The following ZSWIM8 variants were observed in gnomAD, a reference collection of about 807,000 sequenced individuals.
ZSWIM8 encodes zinc finger SWIM domain-containing protein 8.
Under a neutral mutation model 173.7 loss-of-function variants are expected in ZSWIM8, and 27 were observed. The ratio of observed to expected loss-of-function variants is 0.16; its 90% confidence interval spans 0.11 to 0.21. ZSWIM8 has a LOEUF of 0.21. Ranked by LOEUF, ZSWIM8 falls within the 10% of genes least tolerant of loss-of-function variation. The pLI is 1.00. For synonymous variants in ZSWIM8, 958 were observed against 962.0 expected (o/e 1.00, Z 0.08); for missense variants, 1,627 against 2,428.8 (o/e 0.67, Z 6.94).
rs747757512 is a variant in ZSWIM8, at chr10:73,793,646, G to T, written c.2372G>T (p.Arg791Leu). ...HAHGYSSEASRLTVELAQDLL... is the reference protein window; with the variant it reads ...HAHGYSSEASLLTVELAQDLL... ...CATGGCTATAGCAGTGAGGCCTCCC[G>T]TCTCACTGTGGAGCTTGCCCAGGAT... Residue 791 changes from arginine (R) to leucine (L), a missense_variant, in exon 11 of 26, where the codon CGT (arginine) becomes CTT (leucine). Arg to Leu is a moderately radical substitution (Grantham distance 102). This residue lies in a region of ZSWIM8 where 383 missense variants were observed against 394.8 expected (regional missense o/e 0.97). Transcript: ENST00000604729. 6.2e-7 allele frequency: 1 copy of T among 1,613,598 alleles called. No individual in the cohort carries two copies.
Position 73,792,275 on chromosome 10 carries a change from G to T in ZSWIM8, c.1736G>T (p.Gly579Val). ...GGAGATAAAGCTCTACATAAGATGGGTCCAGGTGGGGGCAAAGCCAAGGCA... is the reference window on the plus strand; with the variant it reads ...GGAGATAAAGCTCTACATAAGATGGTTCCAGGTGGGGGCAAAGCCAAGGCA... Reference protein sequence around the residue: ...EGGDKALHKMGPGGGKAKALG... With the variant: ...EGGDKALHKMVPGGGKAKALG... Residue 579 changes from glycine (G) to valine (V), a missense_variant, in exon 10 of 26, where the codon GGT becomes GTT. By Grantham distance (109) the Gly-to-Val change is moderately radical. Coordinates refer to ENST00000604729, the MANE Select transcript of ZSWIM8 (RefSeq NM_001367799.1). The surrounding 1 kb of genome is among the most constrained non-coding windows in gnomAD (Gnocchi z 4.3). 3.7e-6 allele frequency: 6 copies of T among 1,605,888 alleles called. No individual in the cohort carries two copies. The highest frequency in any genetic ancestry group is 5.1e-6 in the Non-Finnish European group (6 of 1,175,730).
rs373917890 is a variant in ZSWIM8 at position 73,797,768 on chromosome 10, A to T, written c.3663-13A>T. On this transcript the variant is annotated splice_polypyrimidine_tract_variant and intron_variant, in intron 18 of 25. Transcript: ENST00000604729. This position sits in a 1 kb window ranked among gnomAD's most constrained non-coding sequence, Gnocchi z 5.6. ...AAACCCCAACCCCCGTCCCTACCCC[A>T]TTGCCCCTTCAGGTACAAGGGCCGC... is the stretch of plus-strand genomic sequence containing the variant. The T allele has an allele frequency of 1.9e-4, 310 of 1,605,922 alleles. No individual in the cohort carries two copies. Among genetic ancestry groups the T allele is most frequent in the Non-Finnish European group, 2.5e-4 (289 of 1,174,988 alleles).
In ZSWIM8 at chr10:73,792,810, G is replaced by A. The variant is rs1385445533; in HGVS notation, c.2271G>A (p.Leu757=). The change falls in exon 10 of 26, where the codon CTG becomes CTA. Residue 757 remains leucine (L), a synonymous_variant. Coordinates refer to ENST00000604729, the MANE Select transcript of ZSWIM8 (RefSeq NM_001367799.1). The surrounding 1 kb of genome is among the most constrained non-coding windows in gnomAD (Gnocchi z 4.3). ...AEGGAGEEHD[L]FAGLKPLEQE... ...GCGGGGCTGGGGAGGAGCACGACCT[G>A]TTTGCTGGGCTGAAGCCACTGGAAC... The A allele has an allele frequency of 4.4e-6, 7 of 1,596,242 alleles. No homozygotes were observed. Among genetic ancestry groups the A allele is most frequent in the Non-Finnish European group, 6.0e-6 (7 of 1,175,332 alleles).
At chr10:73,789,000 G>A in intron 2 of ZSWIM8, 96 bp from the exon 3 acceptor site, 2 of 1,346,006 alleles carry the variant, frequency 1.5e-6, no homozygotes, top group Non-Finnish European at 2.1e-6. Flanking sequence ...GAAGGAATGA[G>A]GCTAGGGAGA....
In ZSWIM8 at chr10:73,793,895, C is replaced by T; in HGVS notation, c.2476C>T (p.Gln826Ter). 1 of 1,612,508 alleles carries T rather than the reference C, an allele frequency of 6.2e-7. No homozygotes were observed. The highest frequency in any genetic ancestry group is 8.5e-7 in the Non-Finnish European group (1 of 1,179,392). The change falls in exon 12 of 26, where the codon CAG becomes TAG. Residue 826 changes from glutamine (Q) to a stop codon, truncating the protein, a stop_gained. Coordinates refer to ENST00000604729, the MANE Select transcript of ZSWIM8 (RefSeq NM_001367799.1). LOFTEE classifies it high-confidence loss of function. ...GKKNKVSTSRQTWVATNTLSK... is the reference protein window; with the variant it reads ...GKKNKVSTSR ...GAAGAACAAGGTATCCACGAGCCGT[C>T]AGACCTGGGTGGCTACCAACACCCT...
At position 73,789,891 on chromosome 10, in the gene ZSWIM8, A is replaced by G. The variant is rs1303794278; in HGVS notation, c.739-65A>G. On this transcript the variant is annotated intron_variant, in intron 5 of 25. Transcript: ENST00000604729. The surrounding 1 kb of genome is among the most constrained non-coding windows in gnomAD (Gnocchi z 6.8). ...CAGGCCGCATAACAGCCTTCCTGTTAGGCCCAGGCCTCCATGGGTTCACCT... is the reference window on the plus strand; with the variant it reads ...CAGGCCGCATAACAGCCTTCCTGTTGGGCCCAGGCCTCCATGGGTTCACCT... The G allele has an allele frequency of 1.3e-6, 2 of 1,586,318 alleles. No individual in the cohort carries two copies. The highest frequency in any genetic ancestry group is 1.3e-5 in the African/African-American group (1 of 74,164).
intron 1 of ZSWIM8, chr10:73,786,308 C>T (rs971739380): frequency 1.9e-6 from 1 of 531,078 alleles, no homozygotes; most frequent in Non-Finnish European, 3.2e-6. Flanking sequence ...GCTGGCTTCT[C>T]CACACCTGTG....
intron 20 of ZSWIM8, 89 bp from the exon 21 acceptor site, chr10:73,798,913 A>G: frequency 2.0e-6 from 3 of 1,501,280 alleles, no homozygotes; most frequent in Non-Finnish European, 1.8e-6. Context: ...GGAATGAGAC[A>G]GCTCTGAGGG....
chr10:73,786,145 C>G, intron 1 of ZSWIM8, 59 bp downstream of exon 1: 1 of 1,439,952 alleles, frequency 6.9e-7, no homozygotes. Context: ...CGCTCGGGAG[C>G]TGTCCGGGAC....
chr10:73,799,428 C>T lies in ZSWIM8; in HGVS notation c.4603C>T (p.His1535Tyr). ...TCTCACTCACCCAGCTCACCCTGCC[C>T]ACCCCATGCCTCACATGCCCCGGCC... Reference protein sequence around the residue: ...QYLTHPAHPAHPMPHMPRPAV... With the variant: ...QYLTHPAHPAYPMPHMPRPAV... Residue 1535 changes from histidine (H) to tyrosine (Y), a missense_variant, in exon 21 of 26, where the codon CAC becomes TAC. By Grantham distance (83) the His-to-Tyr change is moderately conservative. Around this residue, in one of 18 missense-constraint regions of ZSWIM8, gnomAD observed 275 missense variants for 290.1 expected, o/e 0.95. Transcript: ENST00000604729. The T allele has an allele frequency of 1.2e-6, 2 of 1,608,390 alleles. No homozygotes were observed. Among genetic ancestry groups the T allele is most frequent in the Non-Finnish European group, 1.7e-6 (2 of 1,177,586 alleles).
chr10:73,791,224 C>G lies in ZSWIM8; in HGVS notation c.1143+48C>G, dbSNP rs1269911116. On this transcript the variant is annotated intron_variant, in intron 8 of 25. Transcript: ENST00000604729. The surrounding 1 kb of genome is among the most constrained non-coding windows in gnomAD (Gnocchi z 6.0). ...CCCCGTGGTAGCTCATTCTTTCCCT[C>G]CCCCTGCCTCATCCTCCTCTTGCTG... The G allele has an allele frequency of 1.3e-6, 2 of 1,568,002 alleles. No individual in the cohort carries two copies. Among genetic ancestry groups the G allele is most frequent in the South Asian group, 2.4e-5 (2 of 84,618 alleles).
At chr10:73,788,930 G>A in intron 2 of ZSWIM8, 107 bp downstream of exon 2, 1 of 1,499,754 alleles carries the variant, frequency 6.7e-7, no homozygotes, top group Non-Finnish European at 9.1e-7. Flanking sequence ...AGTGGTAAGA[G>A]GAAGACAAGG....
intron 14 of ZSWIM8, among the ~76,000 whole-genome samples, chr10:73,795,234 A>G (rs573385312): frequency 6.6e-6 from 1 of 152,344 alleles, no homozygotes; most frequent in East Asian, 1.9e-4. Flanking sequence ...TAGGTCCTAA[A>G]CCAGCGAACA....
In ZSWIM8 at chr10:73,801,266, C is replaced by CTGTT; in HGVS notation, c.5302-48_5302-45dup. The CTGTT allele has an allele frequency of 1.3e-5, 21 of 1,605,852 alleles. No homozygotes were observed. Among genetic ancestry groups the CTGTT allele is most frequent in the Non-Finnish European group, 1.8e-5 (21 of 1,174,204 alleles). On this transcript the variant is annotated intron_variant, in intron 25 of 25. Transcript: ENST00000604729. The surrounding 1 kb of genome is among the most constrained non-coding windows in gnomAD (Gnocchi z 4.9). ...GTCTTGGACCAGAGGGAGGCAGGGCCTGTTTCTGTGCTTTGTACTAAGGCT... is the reference window on the plus strand; with the variant it reads ...GTCTTGGACCAGAGGGAGGCAGGGCCTGTTTGTTTCTGTGCTTTGTACTAAGGCT...
In ZSWIM8 at chr10:73,794,000, G is replaced by A; in HGVS notation, c.2581G>A (p.Ala861Thr). ...HNLAFRVGMF[A>T]LELQRPPAST... Reference sequence around the variant, plus strand: ...CCTGGCCTTCCGAGTTGGCATGTTTGCCTTGGAGCTACAGAGGCCTCCAGC... The same window carrying A: ...CCTGGCCTTCCGAGTTGGCATGTTTACCTTGGAGCTACAGAGGCCTCCAGC... Residue 861 changes from alanine to threonine, a missense_variant, in exon 12 of 26, where the codon GCC (alanine) becomes ACC (threonine). By Grantham distance (58) the Ala-to-Thr change is moderately conservative (BLOSUM62 0). This residue lies in a region of ZSWIM8 where 169 missense variants were observed against 235.3 expected (regional missense o/e 0.72). Coordinates refer to ENST00000604729, the MANE Select transcript of ZSWIM8 (RefSeq NM_001367799.1). 6.2e-7 allele frequency: 1 copy of A among 1,613,554 alleles called. No homozygotes were observed. Among genetic ancestry groups the A allele is most frequent in the Non-Finnish European group, 8.5e-7 (1 of 1,179,684 alleles).
chr10:73,796,111 T>G (rs1376350994), intron 15 of ZSWIM8, among the ~76,000 whole-genome samples: 1 of 151,378 alleles, frequency 6.6e-6, no homozygotes, highest in Non-Finnish European at 1.5e-5. Flanking sequence ...GCCTGTAATC[T>G]CAGCACTTTG....
In ZSWIM8 at chr10:73,800,796, C is replaced by CT; in HGVS notation, c.5122+37_5122+38insT. On this transcript the variant is annotated intron_variant, in intron 24 of 25. Coordinates refer to ENST00000604729, the MANE Select transcript of ZSWIM8 (RefSeq NM_001367799.1). The surrounding 1 kb of genome is among the most constrained non-coding windows in gnomAD (Gnocchi z 4.1). ...CCTCCCTAGGACCATTGCCCCCCCC[C>CT]CACCTGCTCTCCCCACCTTCCTTAT... 1 of 1,468,708 alleles carries CT rather than the reference C, an allele frequency of 6.8e-7. No individual in the cohort carries two copies. Among genetic ancestry groups the CT allele is most frequent in the Non-Finnish European group, 9.3e-7 (1 of 1,076,352 alleles). The allele number at this position is 1,468,708 out of a possible 1,614,324, so 91.0% of individuals were successfully genotyped here. A position where few individuals can be genotyped will look rare whatever the true frequency, so the allele number is the denominator to read the frequency against.
intron 15 of ZSWIM8, among the ~76,000 whole-genome samples, chr10:73,796,137 A>C (rs938880941): frequency 6.6e-6 from 1 of 151,670 alleles, no homozygotes; most frequent in African/African-American, 2.4e-5. Flanking sequence ...CAGAGGCGGG[A>C]GGATCGTTTG....
Position 73,791,386 on chromosome 10 carries a change from G to T in ZSWIM8, c.1206G>T (p.Thr402=). 6.2e-7 allele frequency: 1 copy of T among 1,613,940 alleles called. No individual in the cohort carries two copies. ...SASHSSASGH[T]GRSNGQSEVA... is the part of the protein sequence containing the mutation. ...CACACAGCAGTGCCAGTGGGCACAC[G>T]GGCCGTAGCAACGGGCAGTCAGAGG... Residue 402 remains threonine, a synonymous_variant, in exon 9 of 26, where the codon ACG becomes ACT. Transcript: ENST00000604729. This position sits in a 1 kb window ranked among gnomAD's most constrained non-coding sequence, Gnocchi z 6.0.
Sources: gnomAD v4.1 joint callset for allele counts (sites outside exome capture counted in the v4.1 genomes callset) on GRCh38, gnomAD v4.1.1 for gene constraint, gnomAD v4.1.1 regional missense constraint, Gnocchi (gnomAD v3.1) non-coding constraint, MANE v1.5 for transcripts, NCBI Gene and HGNC (gene_info 2026-07-23, HGNC 2026-07-21) for gene names.